Variants in CSMD1 observed in about 807,000 individuals in gnomAD.
CSMD1 encodes the protein CUB and sushi domain-containing protein 1.
In CSMD1, 213 loss-of-function variants were observed where a neutral mutation model predicts 417.5. The ratio of observed to expected loss-of-function variants is 0.51; its 90% CI spans 0.46 to 0.57. The LOEUF (loss-of-function observed/expected upper bound fraction) is 0.57. CSMD1 is among the 20% of genes least tolerant of loss of function. The pLI is 0.00. For synonymous variants in CSMD1, 2,862 were observed against 1,736.8 expected (o/e 1.65, Z -16.11); for missense variants, 6,923 against 4,529.7 (o/e 1.53, Z -15.17).
intron 23 of CSMD1, among the ~76,000 whole-genome samples, chr8:3,312,862 C>A (rs569532707): frequency 6.6e-6 from 1 of 152,264 alleles, no homozygotes; most frequent in South Asian, 2.1e-4. Context: ...TTACTTTATC[C>A]ACATTCGTTA....
At chr8:4,185,346 A>G (rs1387544760) in intron 3 of CSMD1, among the ~76,000 whole-genome samples, 1 of 152,072 alleles carries the variant, frequency 6.6e-6, no homozygotes, top group Non-Finnish European at 1.5e-5. Context: ...GTTTTGTCAC[A>G]GGTTTACTAT....
intron 2 of CSMD1, among the ~76,000 whole-genome samples, chr8:4,455,942 A>AAAAAAAAAAAAAAAAAAAAAAG: frequency 7.3e-6 from 1 of 137,186 alleles, no homozygotes; most frequent in Non-Finnish European, 1.5e-5. Context: ...AAAAAAAAAA[A>AAAAAAAAAAAAAAAAAAAAAAG]AAAAAAAAAA....
intron 1 of CSMD1, among the ~76,000 whole-genome samples, chr8:4,949,304 GT>G (rs1416699116): frequency 8.5e-6 from 1 of 117,206 alleles, no homozygotes; most frequent in African/African-American, 2.7e-5. Context: ...TAGCTGTTTT[GT>G]TAAAAAAAAG....
chr8:3,039,545 C>A (rs1246468321), intron 50 of CSMD1, among the ~76,000 whole-genome samples: 1 of 151,564 alleles, frequency 6.6e-6, no homozygotes, highest in Non-Finnish European at 1.5e-5. Flanking sequence ...TTCTTTCCTT[C>A]CTTCCTTTCC....
chr8:3,574,810 G>T, intron 10 of CSMD1, 135 bp downstream of exon 10: 1 of 972,120 alleles, frequency 1.0e-6, no homozygotes, highest in Non-Finnish European at 1.5e-6. Context: ...TCTAGACACA[G>T]GATGCAGCTG....
At chr8:4,094,905 T>C (rs911433975) in intron 3 of CSMD1, among the ~76,000 whole-genome samples, 2 of 152,142 alleles carry the variant, frequency 1.3e-5, no homozygotes, top group Admixed American at 6.5e-5. Context: ...AAGAGGATAC[T>C]GGAGAGACAT....
Position 4,128,933 on chromosome 8 carries a change from G to A in CSMD1, c.416-96834C>T, listed in dbSNP as rs954268083. Among the ~76,000 whole-genome samples, 12 of 151,806 alleles carry A rather than the reference G, an allele frequency of 7.9e-5. No homozygotes were observed. In the East Asian group the frequency reaches 1.4e-3, roughly 17 times the overall value. ...TGTTTTAAGAATTCCTGTTTTAGCC[G>A]GGCATGGTGGCATGTGCCTGTAGTC... is the stretch of plus-strand genomic sequence containing the variant. On this transcript the variant is annotated intron_variant, in intron 3 of 69. Transcript: ENST00000635120.
At chr8:3,524,936 A>C (rs912217366) in intron 10 of CSMD1, among the ~76,000 whole-genome samples, 1 of 152,262 alleles carries the variant, frequency 6.6e-6, no homozygotes, top group East Asian at 1.9e-4. Context: ...AATGTAAAAA[A>C]AAAATGTTTC....
intron 25 of CSMD1, among the ~76,000 whole-genome samples, chr8:3,302,892 T>C (rs775335878): frequency 6.6e-6 from 1 of 152,002 alleles, no homozygotes; most frequent in East Asian, 1.9e-4. Flanking sequence ...GCAAAGTGAG[T>C]GGGGTTGCAG....
At chr8:3,271,747 C>A (rs1801872913) in intron 26 of CSMD1, among the ~76,000 whole-genome samples, 1 of 152,056 alleles carries the variant, frequency 6.6e-6, no homozygotes, top group Non-Finnish European at 1.5e-5. Flanking sequence ...AGTGTCTGTT[C>A]ATGTCCTTTG....
At chr8:3,393,197 T>C (rs1265563030) in intron 17 of CSMD1, among the ~76,000 whole-genome samples, 2 of 152,158 alleles carry the variant, frequency 1.3e-5, no homozygotes, top group Non-Finnish European at 2.9e-5. Flanking sequence ...AAGTTCACTA[T>C]ATGCAAGTCT....
intron 4 of CSMD1, among the ~76,000 whole-genome samples, chr8:4,007,144 T>C (rs546984709): frequency 3.3e-5 from 5 of 152,188 alleles, no homozygotes; most frequent in Admixed American, 3.3e-4. Flanking sequence ...GGCCACGACT[T>C]TTACTATTTC....
At chr8:3,212,110 T>G (rs912820430) in intron 30 of CSMD1, among the ~76,000 whole-genome samples, 4 of 152,170 alleles carry the variant, frequency 2.6e-5, no homozygotes, top group African/African-American at 7.2e-5. Flanking sequence ...AAAGGCTCTC[T>G]TTACCTCAAA....
chr8:4,390,722 CCAGGATGGTCTCGATCTTCTGACCTCGT>C (rs1316453120), intron 3 of CSMD1, among the ~76,000 whole-genome samples: 30 of 151,774 alleles, frequency 2.0e-4, no homozygotes, highest in Non-Finnish European at 4.3e-4. Flanking sequence ...ACCATGTTAG[CCAGGATGGTCTCGATCTTCTGACCTCGT>C]CAGGATGGTC....
intron 7 of CSMD1, among the ~76,000 whole-genome samples, chr8:3,694,371 C>G (rs114797480): frequency 1.3e-5 from 2 of 152,152 alleles, no homozygotes; most frequent in African/African-American, 4.8e-5. Context: ...TTTTCCCAAA[C>G]TGACACCCAG....
At chr8:4,597,473 A>T (rs985214030) in intron 2 of CSMD1, among the ~76,000 whole-genome samples, 16 of 152,218 alleles carry the variant, frequency 1.1e-4, no homozygotes, top group South Asian at 6.2e-4. Context: ...GTTTCATCTA[A>T]ATTTTATTAC....
chr8:4,048,187 G>T (rs906331261), intron 3 of CSMD1, among the ~76,000 whole-genome samples: 1 of 152,148 alleles, frequency 6.6e-6, no homozygotes, highest in Non-Finnish European at 1.5e-5. Flanking sequence ...TGTTGGTGCT[G>T]TATGGATGTT....
At chr8:4,111,260 T>G (rs780998557) in intron 3 of CSMD1, among the ~76,000 whole-genome samples, 1 of 152,186 alleles carries the variant, frequency 6.6e-6, no homozygotes, top group African/African-American at 2.4e-5. Context: ...ATCAGTCAGT[T>G]TGTTTTAGAT....
rs750686779 is a variant in CSMD1, at chr8:3,387,714, G to C, written c.2594-32C>G. ...GCACAGAACGAATGCAGTCGATGAG[G>C]ATCTTTCTGGTTGATTGAAAATAAT... On this transcript the variant is annotated intron_variant, in intron 17 of 69. Transcript: ENST00000635120. 14 of 1,540,554 alleles carry C rather than the reference G, an allele frequency of 9.1e-6. No homozygotes were observed. The East Asian group carries it at 1.4e-4, about 16-fold the overall frequency.
Sources: allele counts gnomAD v4.1 joint callset (sites outside exome capture counted in the v4.1 genomes callset), GRCh38; gene constraint gnomAD v4.1.1; transcripts MANE v1.5; gene names NCBI Gene and HGNC (gene_info 2026-07-23, HGNC 2026-07-21).